The following ZBTB20 variants were observed in gnomAD, a reference collection of about 807,000 sequenced individuals.
The protein encoded by ZBTB20 is zinc finger and BTB domain-containing protein 20.
In ZBTB20, 9 loss-of-function variants were observed where a neutral mutation model predicts 56.9. The observed-to-expected ratio is 0.16, with a 90% CI of 0.10 to 0.28. The LOEUF (loss-of-function observed/expected upper bound fraction) is 0.28, where lower values mean the gene tolerates loss of function less well. ZBTB20 is among the 10% of genes least tolerant of loss of function. The pLI, the probability that ZBTB20 is intolerant of heterozygous loss-of-function variation, is 1.00. For synonymous variants in ZBTB20, 417 were observed against 420.7 expected (o/e 0.99, Z 0.11); for missense variants, 655 against 1,003.0 (o/e 0.65, Z 4.69).
At chr3:114,502,341 T>C (rs898961027) in intron 6 of ZBTB20, among the ~76,000 whole-genome samples, 5 of 152,194 alleles carry the variant, frequency 3.3e-5, no homozygotes, top group Non-Finnish European at 5.9e-5. Flanking sequence ...GGAAAGTTTC[T>C]GGGACAACTG....
chr3:114,460,852 G>A (rs1271332465), intron 7 of ZBTB20, among the ~76,000 whole-genome samples: 1 of 152,130 alleles, frequency 6.6e-6, no homozygotes, highest in Non-Finnish European at 1.5e-5. Flanking sequence ...TTACCTTACT[G>A]GTTCAAACTG....
intron 5 of ZBTB20, among the ~76,000 whole-genome samples, chr3:114,712,500 A>G (rs2064154175): frequency 6.6e-6 from 1 of 152,024 alleles, no homozygotes; most frequent in South Asian, 2.1e-4. Flanking sequence ...AAAATTAAAA[A>G]AAATTAGCCG....
At chr3:115,082,195 T>C (rs536005119) in intron 1 of ZBTB20, among the ~76,000 whole-genome samples, 7 of 152,322 alleles carry the variant, frequency 4.6e-5, no homozygotes, top group Admixed American at 1.3e-4. Flanking sequence ...TAAAAACCAA[T>C]TGATGCAATC....
At chr3:114,487,818 C>T (rs1240838451) in intron 7 of ZBTB20, among the ~76,000 whole-genome samples, 1 of 152,126 alleles carries the variant, frequency 6.6e-6, no homozygotes, top group Admixed American at 6.5e-5. Flanking sequence ...TGTAGTAATA[C>T]ACATGGGAAT....
At chr3:114,831,087 CTTTTTTT>C (rs57265260) in intron 4 of ZBTB20, among the ~76,000 whole-genome samples, 1 of 55,550 alleles carries the variant, frequency 1.8e-5, no homozygotes, top group African/African-American at 4.9e-5. Context: ...TTTCTTTCTT[CTTTTTTT>C]TTTTTTTTTT....
chr3:114,359,413 A>T (rs1037757338), intron 10 of ZBTB20: 13 of 152,242 alleles, frequency 8.5e-5, no homozygotes, highest in Admixed American at 7.9e-4. Flanking sequence ...TCCAGACAAC[A>T]TTCTGAAAGA....
At chr3:114,560,717 A>T (rs1318184574) in intron 6 of ZBTB20, among the ~76,000 whole-genome samples, 1 of 152,080 alleles carries the variant, frequency 6.6e-6, no homozygotes, top group Admixed American at 6.5e-5. Context: ...TTGCTGGTGG[A>T]GGGTCTTGCT....
At chr3:114,377,667 G>A (rs747844872) in intron 10 of ZBTB20, among the ~76,000 whole-genome samples, 1 of 152,070 alleles carries the variant, frequency 6.6e-6, no homozygotes, top group African/African-American at 2.4e-5. Flanking sequence ...CAGGAATGCC[G>A]TCTTTGGGCT....
At chr3:114,343,355 G>A (rs1036787179) in intron 11 of ZBTB20, among the ~76,000 whole-genome samples, 3 of 152,112 alleles carry the variant, frequency 2.0e-5, no homozygotes, top group Non-Finnish European at 4.4e-5. Context: ...CCTGAGCTGT[G>A]AAAAAGACAA....
At chr3:114,668,121 T>C (rs768496239) in intron 6 of ZBTB20, among the ~76,000 whole-genome samples, 17 of 152,064 alleles carry the variant, frequency 1.1e-4, no homozygotes, top group Non-Finnish European at 1.9e-4. Context: ...ATTTTCTTGA[T>C]TTATTCTTTT....
At chr3:114,889,186 T>A (rs2076715942) in intron 4 of ZBTB20, among the ~76,000 whole-genome samples, 1 of 151,968 alleles carries the variant, frequency 6.6e-6, no homozygotes, top group Non-Finnish European at 1.5e-5. Context: ...GAAATTGTAT[T>A]CATAATTTCC....
chr3:114,571,232 G>A (rs528656713), intron 6 of ZBTB20, among the ~76,000 whole-genome samples: 2 of 152,100 alleles, frequency 1.3e-5, no homozygotes, highest in East Asian at 1.9e-4. Context: ...TGACTAAATC[G>A]AAGCATGCGT....
intron 6 of ZBTB20, among the ~76,000 whole-genome samples, chr3:114,671,933 T>C (rs572520011): frequency 1.5e-4 from 23 of 152,238 alleles, no homozygotes; most frequent in Admixed American, 6.5e-5. Context: ...GTGTCTGTTT[T>C]TCTGGTTTCT....
intron 3 of ZBTB20, among the ~76,000 whole-genome samples, chr3:114,968,759 T>C (rs1406711280): frequency 1.3e-5 from 2 of 152,162 alleles, no homozygotes; most frequent in African/African-American, 4.8e-5. Flanking sequence ...ATACTAGAAA[T>C]TCCTATAATA....
Position 114,350,526 on chromosome 3 carries a change from C to G in ZBTB20, c.1552G>C (p.Gly518Arg). ...AAGAGGAAAGGCTTGGGGCCACTGC[C>G]CGCGGGCTGGGTAGTGAAGAGGGCT... ...LPALFTTQPA[G>R]SGPKPFLFSL... Residue 518 changes from glycine to arginine, a missense_variant, in exon 11 of 12, where the codon GGC (glycine) becomes CGC (arginine). Physicochemically the swap from Gly to Arg is moderately radical, Grantham distance 125. Around this residue, in one of 10 missense-constraint regions of ZBTB20, gnomAD observed 71 missense variants for 89.4 expected, o/e 0.79. Transcript: ENST00000675478. 1 of 1,614,080 alleles carries G rather than the reference C, an allele frequency of 6.2e-7. No homozygotes were observed. The highest frequency in any genetic ancestry group is 1.1e-5 in the South Asian group (1 of 91,066).
At chr3:114,562,510 T>C (rs188240941) in intron 6 of ZBTB20, among the ~76,000 whole-genome samples, 1 of 152,306 alleles carries the variant, frequency 6.6e-6, no homozygotes, top group Non-Finnish European at 1.5e-5. Context: ...AACAATAAGG[T>C]TGCTTTGCCT....
chr3:114,363,212 T>C lies in ZBTB20; in HGVS notation c.200-11334A>G, dbSNP rs2082064562. Among the ~76,000 whole-genome samples the C allele has an allele frequency of 3.3e-5, 5 of 152,230 alleles. No homozygotes were observed. The South Asian group carries it at 1.0e-3, about 32-fold the overall frequency. ...GGGTCCAGACATGAATTTTAAAGGC[T>C]GTTTCCTCAACAGAGGGGACTGTGA... On this transcript the variant is annotated intron_variant, in intron 10 of 11. Coordinates refer to ENST00000675478, the MANE Select transcript of ZBTB20 (RefSeq NM_001348800.3).
chr3:114,395,965 TTAAAA>T (rs145978795), intron 7 of ZBTB20, among the ~76,000 whole-genome samples: 1,745 of 152,154 alleles, frequency 0.011, 37 homozygotes, highest in African/African-American at 0.04. Context: ...TGATTCTTGT[TTAAAA>T]TAAGAGATCT....
chr3:115,105,919 G>A (rs2083708178), intron 1 of ZBTB20, among the ~76,000 whole-genome samples: 2 of 151,674 alleles, frequency 1.3e-5, no homozygotes, highest in Admixed American at 1.3e-4. Context: ...CCCAGTTCAA[G>A]CGATTCTCCT....
Sources: gnomAD v4.1 joint callset for allele counts (sites outside exome capture counted in the v4.1 genomes callset) on GRCh38, gnomAD v4.1.1 for gene constraint, gnomAD v4.1.1 regional missense constraint, MANE v1.5 for transcripts, NCBI Gene and HGNC (gene_info 2026-07-23, HGNC 2026-07-21) for gene names.